Variants in SGSM1 observed in about 807,000 individuals in gnomAD.
SGSM1 encodes small G protein signaling modulator 1, also known as RUN and TBC1 domain containing 2.
A neutral mutation model predicts 133.8 loss-of-function variants in SGSM1; 73 were observed. The observed-to-expected ratio is 0.55, with a 90% CI of 0.45 to 0.66. SGSM1 has a LOEUF of 0.66. Ranked by LOEUF, SGSM1 falls within the 30% of genes least tolerant of loss-of-function variation. The probability of loss-of-function intolerance (pLI) is 0.00; values close to 1 mark genes in which losing one functional copy is unlikely to be tolerated. For missense variants in SGSM1, 1,213 were observed against 1,448.1 expected (o/e 0.84, Z 2.64); for synonymous variants, 563 against 573.0 (o/e 0.98, Z 0.25).
chr22:24,860,911 AAAAAAAAAAAAATATATATAT>A (rs1931091643), intron 9 of SGSM1, among the ~76,000 whole-genome samples: 1 of 114,194 alleles, frequency 8.8e-6, no homozygotes, highest in African/African-American at 4.0e-5. Flanking sequence ...AAAAAAAAAA[AAAAAAAAAAAAATATATATAT>A]ATATATATAT....
At chr22:24,829,873 T>G (rs1929010455) in intron 2 of SGSM1, among the ~76,000 whole-genome samples, 1 of 152,162 alleles carries the variant, frequency 6.6e-6, no homozygotes, top group Non-Finnish European at 1.5e-5. Flanking sequence ...AGACCACCAC[T>G]GCCCCTGGAC....
chr22:24,921,153 G>A (rs1933993431), intron 24 of SGSM1, among the ~76,000 whole-genome samples: 1 of 151,290 alleles, frequency 6.6e-6, no homozygotes, highest in Non-Finnish European at 1.5e-5. Context: ...GCGCTGGAGT[G>A]AAGTGGCACG....
intron 2 of SGSM1, among the ~76,000 whole-genome samples, chr22:24,837,372 C>G (rs1166270348): frequency 6.6e-6 from 1 of 152,174 alleles, no homozygotes; most frequent in Admixed American, 6.5e-5. Flanking sequence ...TTAGTATTTT[C>G]ACTAATTTAC....
chr22:24,897,987 G>T lies in SGSM1; in HGVS notation c.2038G>T (p.Asp680Tyr), dbSNP rs144859640. Residue 680 changes from aspartate (D) to tyrosine (Y), a missense_variant, in exon 19 of 25, where the codon GAT (aspartate) becomes TAT (tyrosine). Physicochemically the swap from Asp to Tyr is radical, Grantham distance 160. Coordinates refer to ENST00000400358, the MANE Select transcript of SGSM1 (RefSeq NM_001098497.3). ...TTGTCCTCAGGTGTTTGAGTCTGTG[G>T]ATGAGGTGGAGCAGGTGGAGGCTGA... Reference protein sequence around the residue: ...SSSTQVFESVDEVEQVEAEGR... With the variant: ...SSSTQVFESVYEVEQVEAEGR... 2.5e-6 allele frequency: 4 copies of T among 1,601,642 alleles called. No individual in the cohort carries two copies. In the Admixed American group the frequency reaches 6.9e-5, roughly 28 times the overall value.
At chr22:24,858,704 C>T (rs749990911) in intron 8 of SGSM1, among the ~76,000 whole-genome samples, 14 of 151,424 alleles carry the variant, frequency 9.2e-5, no homozygotes, top group Non-Finnish European at 1.9e-4. Context: ...GGATGAATTA[C>T]GTGCCTGCCT....
At chr22:24,806,556 T>G in intron 2 of SGSM1, 72 bp downstream of exon 2, 1 of 1,458,412 alleles carries the variant, frequency 6.9e-7, no homozygotes. Flanking sequence ...AGAGTCTTCG[T>G]GGAAGGGTGG....
At chr22:24,870,792 C>T (rs949572133) in intron 12 of SGSM1, among the ~76,000 whole-genome samples, 1 of 152,200 alleles carries the variant, frequency 6.6e-6, no homozygotes, top group Non-Finnish European at 1.5e-5. Flanking sequence ...ATCAATATCC[C>T]AGCTCACTGT....
At chr22:24,870,037 C>A (rs543777350) in intron 12 of SGSM1, among the ~76,000 whole-genome samples, 1 of 152,352 alleles carries the variant, frequency 6.6e-6, no homozygotes, top group South Asian at 2.1e-4. Flanking sequence ...GATAATGGCT[C>A]TGAGCCTCCC....
Position 24,854,988 on chromosome 22 carries a change from C to T in SGSM1, c.456-8C>T, listed in dbSNP as rs775215307. 6.2e-7 allele frequency: 1 copy of T among 1,612,160 alleles called. No individual in the cohort carries two copies. Among genetic ancestry groups the T allele is most frequent in the Non-Finnish European group, 8.5e-7 (1 of 1,178,992 alleles). On this transcript the variant is annotated splice_polypyrimidine_tract_variant and splice_region_variant and intron_variant, in intron 5 of 24. Coordinates refer to ENST00000400358, the MANE Select transcript of SGSM1 (RefSeq NM_001098497.3). ...CATCCAAACCTGCATATTCTCTCCTCTTGCTAGTAAATACTATGAGAAGGA... is the reference window on the plus strand; with the variant it reads ...CATCCAAACCTGCATATTCTCTCCTTTTGCTAGTAAATACTATGAGAAGGA...
At chr22:24,850,197 T>C (rs1386662394) in intron 4 of SGSM1, 83 bp from the exon 5 acceptor site, 3 of 1,347,112 alleles carry the variant, frequency 2.2e-6, no homozygotes, top group South Asian at 1.5e-5. Context: ...TCCTGAGAGA[T>C]TGAACATTCT....
chr22:24,842,801 C>A (rs1160495218), intron 2 of SGSM1, among the ~76,000 whole-genome samples: 3 of 152,206 alleles, frequency 2.0e-5, no homozygotes, highest in Admixed American at 2.0e-4. Context: ...ATGCAGCCGA[C>A]ATTTATTTGC....
At chr22:24,909,048 C>T (rs1176061204) in intron 21 of SGSM1, among the ~76,000 whole-genome samples, 1 of 152,158 alleles carries the variant, frequency 6.6e-6, no homozygotes, top group Admixed American at 6.6e-5. Context: ...CCTGTCATAT[C>T]AGCGGTGGCA....
At chr22:24,914,480 CCCA>C (rs916099126) in intron 22 of SGSM1, among the ~76,000 whole-genome samples, 5 of 150,952 alleles carry the variant, frequency 3.3e-5, no homozygotes, top group African/African-American at 1.2e-4. Flanking sequence ...TGTCCCCCCC[CCCA>C]AAAAAAAATT....
rs768505609 is a variant in SGSM1 at position 24,855,862 on chromosome 22, CATCCATCCATCCACCCATTGTTAT to C, written c.801+204_801+227del. ...CTATATTTACACGCACCCATCCTTA[CATCCATCCATCCACCCATTGTTAT>C]ATCCATCCATCCACCCATTGTCACA... is the stretch of plus-strand genomic sequence containing the variant. On this transcript the variant is annotated intron_variant, in intron 8 of 24. Coordinates refer to ENST00000400358, the MANE Select transcript of SGSM1 (RefSeq NM_001098497.3). The C allele has an allele frequency of 8.2e-5, 70 of 849,414 alleles. 1 individual carries two copies. The highest frequency in any genetic ancestry group is 2.9e-5 in the South Asian group (2 of 68,908). 52.6% of individuals were successfully genotyped at this position (849,414 alleles called of 1,614,324 possible).
At chr22:24,808,276 AT>A (rs1486712907) in intron 2 of SGSM1, among the ~76,000 whole-genome samples, 1 of 151,868 alleles carries the variant, frequency 6.6e-6, no homozygotes, top group Non-Finnish European at 1.5e-5. Flanking sequence ...TGTCCGGCTA[AT>A]TTTTTATTTT....
chr22:24,860,908 A>ATATATATAT (rs1399338628), intron 9 of SGSM1, among the ~76,000 whole-genome samples: 1 of 91,130 alleles, frequency 1.1e-5, no homozygotes, highest in East Asian at 3.2e-4. Flanking sequence ...AAAAAAAAAA[A>ATATATATAT]AAAAAAAAAA....
At chr22:24,830,790 G>T (rs1244273569) in intron 2 of SGSM1, among the ~76,000 whole-genome samples, 2 of 94,746 alleles carry the variant, frequency 2.1e-5, no homozygotes, top group African/African-American at 3.8e-5. Flanking sequence ...GGGGAAGGGG[G>T]TTAGGATTAG....
At chr22:24,851,449 G>GGAGAGAGAGAGAGA (rs56956761) in intron 5 of SGSM1, among the ~76,000 whole-genome samples, 3 of 112,822 alleles carry the variant, frequency 2.7e-5, no homozygotes, top group Non-Finnish European at 3.4e-5. Context: ...GGGGGTGGGG[G>GGAGAGAGAGAGAGA]GAGAGAGAGA....
chr22:24,874,583 A>G, intron 12 of SGSM1: 2 of 1,588,264 alleles, frequency 1.3e-6, no homozygotes, highest in South Asian at 2.3e-5. Context: ...CCCCCCAGTA[A>G]TGTCTGGGAT....
Sources: allele counts gnomAD v4.1 joint callset (sites outside exome capture counted in the v4.1 genomes callset), GRCh38; gene constraint gnomAD v4.1.1; transcripts MANE v1.5; gene names NCBI Gene and HGNC (gene_info 2026-07-23, HGNC 2026-07-21).